The following ZNF616 variants were observed in gnomAD, a reference collection of about 807,000 sequenced individuals.
The protein encoded by ZNF616 is zinc finger protein 616.
A neutral mutation model predicts 7.6 loss-of-function variants in ZNF616; 5 were observed. That is an observed-to-expected ratio of 0.66 (90% confidence interval 0.34 to 1.38). The LOEUF (loss-of-function observed/expected upper bound fraction) is 1.38, where lower values mean the gene tolerates loss of function less well. ZNF616 is among the 40% of genes most tolerant of loss of function. The pLI is 0.04. For missense variants in ZNF616, 913 were observed against 948.3 expected (o/e 0.96, Z 0.49); for synonymous variants, 319 against 317.2 (o/e 1.01, Z -0.06).
chr19:52,133,697 G>A (rs2088982228), intron 1 of ZNF616, among the ~76,000 whole-genome samples: 1 of 152,094 alleles, frequency 6.6e-6, no homozygotes, highest in Non-Finnish European at 1.5e-5. Context: ...ATTTTTAGAA[G>A]AGCCGGGGTT....
rs541470861 is a variant in ZNF616, at chr19:52,114,578, A to G, written c.*240T>C. 4 of 449,550 alleles carry G rather than the reference A, an allele frequency of 8.9e-6. No individual in the cohort carries two copies. In the South Asian group the frequency reaches 1.2e-4, roughly 14 times the overall value. The allele number at this position is 449,550 out of a possible 1,614,324, so 27.8% of individuals were successfully genotyped here. A position where few individuals can be genotyped will look rare whatever the true frequency, so the allele number is the denominator to read the frequency against. ...TGAGGGCAAGCGACAGGGAAGTGCT[A>G]TGCACTTCTAAACAGCCAGACCTCA... On this transcript the variant is annotated 3_prime_UTR_variant, in exon 4 of 4. Transcript: ENST00000600228.
At chr19:52,134,208 A>G (rs1277638423) in intron 1 of ZNF616, among the ~76,000 whole-genome samples, 2 of 152,200 alleles carry the variant, frequency 1.3e-5, no homozygotes, top group African/African-American at 4.8e-5. Flanking sequence ...AAAAAAGAAA[A>G]CAAGAACAGG....
At chr19:52,118,483 T>A (rs904675560) in intron 3 of ZNF616, among the ~76,000 whole-genome samples, 3 of 152,168 alleles carry the variant, frequency 2.0e-5, no homozygotes, top group African/African-American at 7.2e-5. Flanking sequence ...GGAGGTGTGG[T>A]CTTTGGGAGG....
At chr19:52,117,137 G>T in intron 3 of ZNF616, 113 bp from the exon 4 acceptor site, 1 of 847,894 alleles carries the variant, frequency 1.2e-6, no homozygotes, top group Non-Finnish European at 1.7e-6. Context: ...AGACAGGTGT[G>T]AGAGTTCTCC....
chr19:52,119,695 G>C (rs903535725), intron 3 of ZNF616, among the ~76,000 whole-genome samples: 5 of 152,152 alleles, frequency 3.3e-5, no homozygotes, highest in African/African-American at 1.2e-4. Flanking sequence ...AACTAATTTA[G>C]AAGTAGCATT....
chr19:52,130,392 C>G, intron 2 of ZNF616, 109 bp downstream of exon 2: 1 of 1,004,086 alleles, frequency 1.0e-6, no homozygotes. Context: ...AGGAAGGACA[C>G]TTCAGACTCA....
chr19:52,130,384 G>A (rs1463481232), intron 2 of ZNF616, 117 bp downstream of exon 2: 1 of 951,414 alleles, frequency 1.1e-6, no homozygotes, highest in East Asian at 2.4e-5. Flanking sequence ...AATGTGTCAG[G>A]AAGGACACTT....
rs1408858180 is a variant in ZNF616 at position 52,116,136 on chromosome 19, T to C, written c.1028A>G (p.His343Arg). ...TTTCTTTCCTGCATGGATTACCTGA[T>C]GTACAGTGAGGTTTGAGCTCCGTTT... ...TFKRSSNLTV[H>R]QVIHAGKKPY... is the part of the protein sequence containing the mutation. Residue 343 changes from histidine (H) to arginine (R), a missense_variant, in exon 4 of 4, where the codon CAT (histidine) becomes CGT (arginine). Physicochemically the swap from His to Arg is conservative, Grantham distance 29. Transcript: ENST00000600228. 8 of 1,614,074 alleles carry C rather than the reference T, an allele frequency of 5.0e-6. No homozygotes were observed. The highest frequency in any genetic ancestry group is 1.3e-5 in the African/African-American group (1 of 74,924).
At chr19:52,131,475 CT>C (rs1005851284) in intron 1 of ZNF616, among the ~76,000 whole-genome samples, 5 of 152,150 alleles carry the variant, frequency 3.3e-5, no homozygotes, top group African/African-American at 1.2e-4. Context: ...CTGACCTCCC[CT>C]TGGGGCCTTG....
At position 52,114,684 on chromosome 19, in the gene ZNF616, C is replaced by G; in HGVS notation, c.*134G>C. ...GTTTGAGAAATCCACTTCCATGATT[C>G]AATCACCTCCCAATGGGCCCCACCT... On this transcript the variant is annotated 3_prime_UTR_variant, in exon 4 of 4. Transcript: ENST00000600228. 1 of 1,050,498 alleles carries G rather than the reference C, an allele frequency of 9.5e-7. No homozygotes were observed. The highest frequency in any genetic ancestry group is 1.3e-6 in the Non-Finnish European group (1 of 743,248). 65.1% of individuals were successfully genotyped at this position (1,050,498 alleles called of 1,614,324 possible).
intron 3 of ZNF616, among the ~76,000 whole-genome samples, chr19:52,120,846 T>A (rs548286037): frequency 6.6e-6 from 1 of 152,238 alleles, no homozygotes; most frequent in South Asian, 2.1e-4. Context: ...GGGAGAAAAG[T>A]TCCACAGTAA....
chr19:52,137,074 T>TATATATATATATATATATATATATATAC (rs1491194803), intron 1 of ZNF616, among the ~76,000 whole-genome samples: 6 of 142,842 alleles, frequency 4.2e-5, no homozygotes, highest in African/African-American at 1.0e-4. Flanking sequence ...TATATATATA[T>TATATATATATATATATATATATATATAC]ACAGAGTGTG....
rs1399578781 is a variant in ZNF616, at chr19:52,130,550, G to A, written c.-38C>T. ...TTCCTTCCTCTTCTTCCTCTTCTGGGTTTCTTTCTCAGTCAATGTAATTAT... is the reference window on the plus strand; with the variant it reads ...TTCCTTCCTCTTCTTCCTCTTCTGGATTTCTTTCTCAGTCAATGTAATTAT... On this transcript the variant is annotated 5_prime_UTR_variant, in exon 2 of 4. Transcript: ENST00000600228. 5 of 1,596,786 alleles carry A rather than the reference G, an allele frequency of 3.1e-6. 1 individual carries two copies. The South Asian group carries it at 3.4e-5, about 11-fold the overall frequency.
At chr19:52,137,051 G>T (rs200871371) in intron 1 of ZNF616, among the ~76,000 whole-genome samples, 1 of 64,758 alleles carries the variant, frequency 1.5e-5, no homozygotes, top group Non-Finnish European at 3.0e-5. Context: ...ATTTATGTAT[G>T]TGTATATATA....
rs1355313934 is a variant in ZNF616, at chr19:52,114,944, A to C, written c.2220T>G (p.Ser740=). The change falls in exon 4 of 4, where the codon TCT becomes TCG. Residue 740 remains serine, a synonymous_variant. Coordinates refer to ENST00000600228, the MANE Select transcript of ZNF616 (RefSeq NM_178523.5). The part of the protein sequence containing the change: ...FSLSKHQRIH[S]GKKPYKCNEC... ...CATTACATTTATAAGGTTTTTTGCC[A>C]GAATGAATTCTTTGGTGTTTGCTGA... is the stretch of plus-strand genomic sequence containing the variant. The C allele has an allele frequency of 3.7e-6, 6 of 1,614,178 alleles. No individual in the cohort carries two copies. The highest frequency in any genetic ancestry group is 5.1e-6 in the Non-Finnish European group (6 of 1,180,016).
chr19:52,130,947 C>G (rs1438352714), intron 1 of ZNF616, among the ~76,000 whole-genome samples: 2 of 152,226 alleles, frequency 1.3e-5, no homozygotes, highest in Admixed American at 1.3e-4. Flanking sequence ...GACACAGAGG[C>G]TGGAAGCTCA....
chr19:52,121,493 A>G (rs1254705593), intron 3 of ZNF616, among the ~76,000 whole-genome samples: 1 of 152,244 alleles, frequency 6.6e-6, no homozygotes, highest in Non-Finnish European at 1.5e-5. Flanking sequence ...AAAATAGAAC[A>G]TGCCAAAACT....
chr19:52,115,484 T>G lies in ZNF616; in HGVS notation c.1680A>C (p.Gln560His), dbSNP rs1391640950. 6.2e-7 allele frequency: 1 copy of G among 1,613,664 alleles called. No individual in the cohort carries two copies. Among genetic ancestry groups the G allele is most frequent in the Non-Finnish European group, 8.5e-7 (1 of 1,179,956 alleles). The stretch of plus-strand genomic sequence containing the variant: ...TCCGATGCACTGTAAGACGTGAACA[T>G]TGACTGAAGACCTTGCCACATTCTT... ...KCKECGKVFS[Q>H]CSRLTVHRRI... The change falls in exon 4 of 4, where the codon CAA becomes CAC. Residue 560 changes from glutamine to histidine, a missense_variant. Gln to His is a conservative substitution (Grantham distance 24). Coordinates refer to ENST00000600228, the MANE Select transcript of ZNF616 (RefSeq NM_178523.5).
chr19:52,116,656 C>T lies in ZNF616; in HGVS notation c.508G>A (p.Gly170Ser), dbSNP rs759138505. 1 of 1,614,130 alleles carries T rather than the reference C, an allele frequency of 6.2e-7. No individual in the cohort carries two copies. ...LYECNETEKT[G>S]NNGCLVSPHI... ...GGAGAAACTAAACAACCATTATTACCTGTCTTCTCCGTTTCATTACATTCA... is the reference window on the plus strand; with the variant it reads ...GGAGAAACTAAACAACCATTATTACTTGTCTTCTCCGTTTCATTACATTCA... Residue 170 changes from glycine to serine, a missense_variant, in exon 4 of 4, where the codon GGT becomes AGT. Physicochemically the swap from Gly to Ser is moderately conservative, Grantham distance 56 (BLOSUM62 0). Transcript: ENST00000600228.
Sources: gnomAD v4.1 joint callset for allele counts (sites outside exome capture counted in the v4.1 genomes callset) on GRCh38, gnomAD v4.1.1 for gene constraint, MANE v1.5 for transcripts, NCBI Gene and HGNC (gene_info 2026-07-23, HGNC 2026-07-21) for gene names.